The following SOS2 variants were observed in gnomAD, a reference collection of about 807,000 sequenced individuals.
The protein encoded by SOS2 is SOS Ras/Rho guanine nucleotide exchange factor 2, also known as son of sevenless homolog 2.
Under a neutral mutation model 148.2 loss-of-function variants are expected in SOS2, and 65 were observed. The ratio of observed to expected loss-of-function variants is 0.44; its 90% CI spans 0.36 to 0.54. The LOEUF (loss-of-function observed/expected upper bound fraction) is 0.54, where lower values mean the gene tolerates loss of function less well. Among genes scored for constraint, SOS2 ranks in the 20% least tolerant of loss-of-function variants. The pLI, the probability that SOS2 is intolerant of heterozygous loss-of-function variation, is 0.00. For missense variants in SOS2, 1,341 were observed against 1,590.2 expected (o/e 0.84, Z 2.67); for synonymous variants, 539 against 537.1 (o/e 1.00, Z -0.05).
intron 16 of SOS2, among the ~76,000 whole-genome samples, 197 bp downstream of exon 16, chr14:50,144,972 CT>C (rs1884420626): frequency 6.6e-6 from 1 of 151,488 alleles, no homozygotes; most frequent in Non-Finnish European, 1.5e-5. Flanking sequence ...TAATATAAGC[CT>C]AGGATTCACA....
At chr14:50,160,413 T>TG (rs1884961481) in intron 9 of SOS2, among the ~76,000 whole-genome samples, 1 of 98,258 alleles carries the variant, frequency 1.0e-5, no homozygotes, top group Non-Finnish European at 2.1e-5. Context: ...TTTTTTTTTT[T>TG]GGAGCTCTTG....
Position 50,150,856 on chromosome 14 carries a change from A to G in SOS2, c.2162-626T>C, listed in dbSNP as rs188692404. ...TCCTGCCTCAGCCTCCTGAGTAGCTAGGATTATAGGTGCACACTACCATGC... is the reference window on the plus strand; with the variant it reads ...TCCTGCCTCAGCCTCCTGAGTAGCTGGGATTATAGGTGCACACTACCATGC... On this transcript the variant is annotated intron_variant, in intron 13 of 22. Transcript: ENST00000216373. Among the ~76,000 whole-genome samples the G allele has an allele frequency of 4.7e-3, 708 of 152,016 alleles. 2 individuals are homozygous for G. The highest frequency in any genetic ancestry group is 7.1e-3 in the Non-Finnish European group (484 of 67,966).
chr14:50,225,095 A>C (rs1194921208), intron 1 of SOS2, among the ~76,000 whole-genome samples: 3 of 152,104 alleles, frequency 2.0e-5, no homozygotes, highest in Non-Finnish European at 4.4e-5. Flanking sequence ...AAAACTTTGT[A>C]CTAGCATATA....
At chr14:50,169,190 T>A (rs1335752264) in intron 8 of SOS2, among the ~76,000 whole-genome samples, 1 of 151,082 alleles carries the variant, frequency 6.6e-6, no homozygotes, top group Non-Finnish European at 1.5e-5. Flanking sequence ...GTAGCACGCA[T>A]CTGTAATCTC....
chr14:50,137,253 A>G (rs1250032967), intron 18 of SOS2, among the ~76,000 whole-genome samples: 3 of 152,224 alleles, frequency 2.0e-5, no homozygotes, highest in African/African-American at 7.2e-5. Flanking sequence ...TAGAACATCA[A>G]TCGACAGGAT....
chr14:50,169,359 G>C (rs1464602637), intron 8 of SOS2, among the ~76,000 whole-genome samples: 5 of 139,732 alleles, frequency 3.6e-5, no homozygotes, highest in Non-Finnish European at 6.2e-5. Context: ...AACAGGCCAG[G>C]CACAGTGGCT....
chr14:50,186,618 T>C (rs1885920472), intron 5 of SOS2, among the ~76,000 whole-genome samples: 1 of 138,780 alleles, frequency 7.2e-6, no homozygotes, highest in African/African-American at 3.1e-5. Flanking sequence ...CCCATCTATA[T>C]TTAAAAAAAA....
At position 50,117,373 on chromosome 14, in the gene SOS2, T is replaced by C. The variant is rs1421013385; in HGVS notation, c.*971A>G. On this transcript the variant is annotated 3_prime_UTR_variant, in exon 23 of 23. Transcript: ENST00000216373. ...AGCTTTAAGTATTTGCTGGTTTAAATATTACCAATCTAAAAAATATATTTA... is the reference window on the plus strand; with the variant it reads ...AGCTTTAAGTATTTGCTGGTTTAAACATTACCAATCTAAAAAATATATTTA... 1 of 152,180 alleles carries C rather than the reference T, an allele frequency of 6.6e-6. No homozygotes were observed. Among genetic ancestry groups the C allele is most frequent in the Non-Finnish European group, 1.5e-5 (1 of 68,028 alleles). The allele number at this position is 152,180 out of a possible 1,614,324, so 9.4% of individuals were successfully genotyped here. A position where few individuals can be genotyped will look rare whatever the true frequency, so the allele number is the denominator to read the frequency against.
chr14:50,165,153 TTCTTTTACAGAA>T (rs1299257058), intron 8 of SOS2, among the ~76,000 whole-genome samples: 3 of 152,228 alleles, frequency 2.0e-5, no homozygotes, highest in African/African-American at 7.2e-5. Context: ...AACAAGGATT[TTCTTTTACAGAA>T]TCACAGTATA....
At chr14:50,227,850 TATGGATATATAC>T (rs1489629006) in intron 1 of SOS2, among the ~76,000 whole-genome samples, 2 of 152,196 alleles carry the variant, frequency 1.3e-5, no homozygotes, top group African/African-American at 2.4e-5. Context: ...TATGGGTATA[TATGGATATATAC>T]ATGGATATAG....
rs143491566 is a variant in SOS2, at chr14:50,159,649, C to T, written c.1634G>A (p.Arg545His). 5.8e-5 allele frequency: 94 copies of T among 1,613,586 alleles called. No homozygotes were observed. Among genetic ancestry groups the T allele is most frequent in the Middle Eastern group, 3.3e-4 (2 of 6,060 alleles). Residue 545 changes from arginine to histidine, a missense_variant, in exon 10 of 23, where the codon CGT becomes CAT. Physicochemically the swap from Arg to His is conservative, Grantham distance 29 (BLOSUM62 0). Coordinates refer to ENST00000216373, the MANE Select transcript of SOS2 (RefSeq NM_006939.4). ...WMAALISLHYRSTLDRMLDSV... is the reference protein window; with the variant it reads ...WMAALISLHYHSTLDRMLDSV... ...ATCTAACATTCGATCTAGAGTACTA[C>T]GATAATGAAGAGAAATAAGGGCTGC...
At chr14:50,189,038 C>A (rs1886018596) in intron 4 of SOS2, among the ~76,000 whole-genome samples, 1 of 145,880 alleles carries the variant, frequency 6.9e-6, no homozygotes, top group African/African-American at 2.5e-5. Context: ...GCACTCCAGC[C>A]TGGGCGACAG....
chr14:50,188,007 C>G (rs184493928), intron 5 of SOS2, among the ~76,000 whole-genome samples: 3 of 152,082 alleles, frequency 2.0e-5, no homozygotes, highest in Non-Finnish European at 4.4e-5. Context: ...AATTTTGTGC[C>G]TAATTTTCAT....
At chr14:50,221,682 T>TA (rs1421748327) in intron 1 of SOS2, among the ~76,000 whole-genome samples, 2 of 152,134 alleles carry the variant, frequency 1.3e-5, no homozygotes, top group African/African-American at 2.4e-5. Flanking sequence ...TTAAGATTTT[T>TA]AAAAAATTAG....
At chr14:50,182,356 C>G (rs1885771887) in intron 6 of SOS2, 107 bp downstream of exon 6, 2 of 1,014,962 alleles carry the variant, frequency 2.0e-6, no homozygotes, top group South Asian at 2.9e-5. Context: ...AATTATTTTA[C>G]TTTTTTATGG....
intron 7 of SOS2, among the ~76,000 whole-genome samples, chr14:50,178,848 C>G (rs1885631308): frequency 6.6e-6 from 1 of 151,918 alleles, no homozygotes; most frequent in African/African-American, 2.4e-5. Flanking sequence ...ATTCTCCTGC[C>G]TCAGCCTCCC....
Position 50,152,770 on chromosome 14 carries a change from TTGTGGTGAA to T in SOS2, c.2161+291_2161+299del, listed in dbSNP as rs549273742. ...AGGAGTTCAAGACACCAGGCTGGTCTTGTGGTGAATGTGGTGAAATACCATCTCTACTAA... is the reference window on the plus strand; with the variant it reads ...AGGAGTTCAAGACACCAGGCTGGTCTTGTGGTGAAATACCATCTCTACTAA... On this transcript the variant is annotated intron_variant, in intron 13 of 22. Coordinates refer to ENST00000216373, the MANE Select transcript of SOS2 (RefSeq NM_006939.4). Among the ~76,000 whole-genome samples the T allele has an allele frequency of 2.5e-3, 388 of 152,200 alleles. 2 individuals are homozygous for T. Among genetic ancestry groups the T allele is most frequent in the Non-Finnish European group, 4.6e-3 (313 of 68,016 alleles).
intron 14 of SOS2, among the ~76,000 whole-genome samples, chr14:50,147,102 T>C (rs1594971525): frequency 6.6e-6 from 1 of 150,480 alleles, no homozygotes; most frequent in Non-Finnish European, 1.5e-5. Context: ...GAGACTGAGG[T>C]GGGAAGACTG....
chr14:50,130,853 T>TCTTAAGCA, intron 19 of SOS2, 91 bp from the exon 20 acceptor site: 1 of 1,122,670 alleles, frequency 8.9e-7, no homozygotes, highest in Non-Finnish European at 1.3e-6. Flanking sequence ...TCTTATTAGT[T>TCTTAAGCA]CTTAAGCATA....
Sources: gnomAD v4.1 joint callset for allele counts (sites outside exome capture counted in the v4.1 genomes callset) on GRCh38, gnomAD v4.1.1 for gene constraint, MANE v1.5 for transcripts, NCBI Gene and HGNC (gene_info 2026-07-23, HGNC 2026-07-21) for gene names.